SETD7: variants seen among roughly 807,000 people sequenced by gnomAD.
The protein encoded by SETD7 is SET domain containing 7, histone lysine methyltransferase.
A neutral mutation model predicts 41.8 loss-of-function variants in SETD7; 16 were observed. The ratio of observed to expected loss-of-function variants is 0.38; its 90% CI spans 0.26 to 0.58. The LOEUF is 0.58. Ranked by LOEUF, SETD7 falls within the 20% of genes least tolerant of loss-of-function variation. The probability of loss-of-function intolerance (pLI) is 0.64; values close to 1 mark genes in which losing one functional copy is unlikely to be tolerated. For synonymous variants in SETD7, 163 were observed against 169.7 expected (o/e 0.96, Z 0.31); for missense variants, 346 against 459.7 (o/e 0.75, Z 2.26).
At chr4:139,546,741 TG>T (rs1414465105) in intron 2 of SETD7, 178 bp downstream of exon 2, 10 of 755,776 alleles carry the variant, frequency 1.3e-5, no homozygotes, top group African/African-American at 1.2e-4. Flanking sequence ...TTAGGCTGGC[TG>T]TCCCATAACC....
intron 7 of SETD7, among the ~76,000 whole-genome samples, chr4:139,500,476 A>C (rs901606487): frequency 6.6e-6 from 1 of 152,202 alleles, no homozygotes; most frequent in African/African-American, 2.4e-5. Context: ...AAACTGTAGT[A>C]AACTAAGTTT....
Position 139,525,157 on chromosome 4 carries a change from T to A in SETD7, c.563-1722A>T, listed in dbSNP as rs767521255. Among the ~76,000 whole-genome samples, 60 of 152,310 alleles carry A rather than the reference T, an allele frequency of 3.9e-4. No homozygotes were observed. In the Middle Eastern group the frequency reaches 0.01, roughly 26 times the overall value. ...TAACCAAAATTGTGTGTGGAATGTA[T>A]GTTCTATTGAGTGGAAATTTTCCTA... On this transcript the variant is annotated intron_variant, in intron 4 of 7. Transcript: ENST00000274031.
At chr4:139,513,467 T>G (rs1176754871) in intron 7 of SETD7, among the ~76,000 whole-genome samples, 1 of 151,630 alleles carries the variant, frequency 6.6e-6, no homozygotes, top group Non-Finnish European at 1.5e-5. Flanking sequence ...GGCATGATAG[T>G]AAGTACTTGG....
At chr4:139,498,526 G>A (rs927084283) in intron 7 of SETD7, among the ~76,000 whole-genome samples, 10 of 152,094 alleles carry the variant, frequency 6.6e-5, no homozygotes, top group African/African-American at 2.4e-4. Flanking sequence ...CTTGATCCTG[G>A]TGCTTCCCCA....
chr4:139,526,827 T>C (rs2111143560), intron 4 of SETD7, among the ~76,000 whole-genome samples: 1 of 152,366 alleles, frequency 6.6e-6, no homozygotes, highest in African/African-American at 2.4e-5. Flanking sequence ...CCAATTGGGA[T>C]CCTCCCTTGT....
chr4:139,536,778 G>A (rs572739476), intron 2 of SETD7, among the ~76,000 whole-genome samples: 3 of 151,474 alleles, frequency 2.0e-5, no homozygotes, highest in Non-Finnish European at 4.4e-5. Flanking sequence ...CGAGGCAGGA[G>A]GATCACCTGA....
At chr4:139,512,752 CTTTTTTTTTTTTTTT>C (rs140570195) in intron 7 of SETD7, among the ~76,000 whole-genome samples, 1 of 75,536 alleles carries the variant, frequency 1.3e-5, no homozygotes, top group Non-Finnish European at 2.5e-5. Flanking sequence ...TTTTCTTATT[CTTTTTTTTTTTTTTT>C]TTTTTTTTGA....
chr4:139,495,225 G>A (rs558807103), downstream of SETD7, among the ~76,000 whole-genome samples: 1 of 152,168 alleles, frequency 6.6e-6, no homozygotes, highest in East Asian at 1.9e-4. Flanking sequence ...ATAAATTACA[G>A]CTATTGTTTC....
Position 139,511,545 on chromosome 4 carries a change from A to T in SETD7, c.*118T>A. On this transcript the variant is annotated 3_prime_UTR_variant, in exon 8 of 8. Transcript: ENST00000274031. ...TATGCGAGAAAGTCGTTGCTAACGC[A>T]TGGTGAGAGGATGTGACGTCACAGC... 1 of 1,563,754 alleles carries T rather than the reference A, an allele frequency of 6.4e-7. No homozygotes were observed. The highest frequency in any genetic ancestry group is 8.6e-7 in the Non-Finnish European group (1 of 1,161,088).
chr4:139,526,750 T>C (rs1041970323), intron 4 of SETD7, among the ~76,000 whole-genome samples: 3 of 152,132 alleles, frequency 2.0e-5, no homozygotes, highest in Admixed American at 2.0e-4. Flanking sequence ...TCAAATTAGG[T>C]GATTCTTAAG....
rs1415478320 is a variant in SETD7, at chr4:139,510,697, G to A, written c.*966C>T. 1.3e-5 allele frequency: 2 copies of A among 152,270 alleles called. No homozygotes were observed. The highest frequency in any genetic ancestry group is 4.8e-5 in the African/African-American group (2 of 41,408). The allele number at this position is 152,270 out of a possible 1,614,324, so 9.4% of individuals were successfully genotyped here. A position where few individuals can be genotyped will look rare whatever the true frequency, so the allele number is the denominator to read the frequency against. On this transcript the variant is annotated 3_prime_UTR_variant, in exon 8 of 8. Transcript: ENST00000274031. ...TTGACTTTTGAATTCAATGCACTGT[G>A]CCACAAGCCTGACCGCGCTATGTTA...
chr4:139,533,097 T>C lies in SETD7; in HGVS notation c.372+68A>G, dbSNP rs1216127516. On this transcript the variant is annotated intron_variant, in intron 3 of 7. Transcript: ENST00000274031. ...CTCCCAAGTTCTAACACAGAATACATTTTACTCTTCATTGTGAAGAGTCAC... is the reference window on the plus strand; with the variant it reads ...CTCCCAAGTTCTAACACAGAATACACTTTACTCTTCATTGTGAAGAGTCAC... 5 of 1,403,482 alleles carry C rather than the reference T, an allele frequency of 3.6e-6. No individual in the cohort carries two copies. The African/African-American group carries it at 5.7e-5, about 16-fold the overall frequency. 86.9% of individuals were successfully genotyped at this position (1,403,482 alleles called of 1,614,324 possible).
In SETD7 at chr4:139,510,601, A is replaced by C. The variant is rs953340308; in HGVS notation, c.*1062T>G. 2.5e-4 allele frequency: 38 copies of C among 152,322 alleles called. No homozygotes were observed. Among genetic ancestry groups the C allele is most frequent in the African/African-American group, 8.4e-4 (35 of 41,574 alleles). 9.4% of individuals were successfully genotyped at this position (152,322 alleles called of 1,614,324 possible). ...AAGGTTTGATTTGTACCTAGTAATC[A>C]GTGTGTCTGCCTTAGTAGTACTGAC... On this transcript the variant is annotated 3_prime_UTR_variant, in exon 8 of 8. Transcript: ENST00000274031.
intron 2 of SETD7, among the ~76,000 whole-genome samples, chr4:139,535,888 A>T (rs551232023): frequency 1.9e-4 from 29 of 152,274 alleles, no homozygotes; most frequent in Non-Finnish European, 3.1e-4. Flanking sequence ...GTGATTTTTT[A>T]AAATCCTCTG....
At chr4:139,552,069 C>A (rs1331765801) in intron 1 of SETD7, among the ~76,000 whole-genome samples, 1 of 151,698 alleles carries the variant, frequency 6.6e-6, no homozygotes, top group African/African-American at 2.4e-5. Context: ...AAGTTTGTTA[C>A]CTGGATAATT....
At chr4:139,494,857 G>A (rs1008017879), downstream of SETD7, among the ~76,000 whole-genome samples, 2 of 152,182 alleles carry the variant, frequency 1.3e-5, no homozygotes, top group Non-Finnish European at 2.9e-5. Flanking sequence ...TGGTTAAGCG[G>A]ATTTACTACA....
intron 4 of SETD7, 30 bp downstream of exon 4, chr4:139,529,001 A>G (rs1251006656): frequency 6.3e-7 from 1 of 1,599,664 alleles, no homozygotes; most frequent in Non-Finnish European, 8.5e-7. Context: ...TTGGAATTGG[A>G]GCAACCCATC....
At chr4:139,550,358 G>A (rs1728076026) in intron 1 of SETD7, among the ~76,000 whole-genome samples, 1 of 152,190 alleles carries the variant, frequency 6.6e-6, no homozygotes, top group South Asian at 2.1e-4. Flanking sequence ...TGCTGGTTGT[G>A]AGAGAATTCT....
intron 2 of SETD7, among the ~76,000 whole-genome samples, chr4:139,544,117 C>A (rs1191965167): frequency 1.3e-5 from 2 of 151,802 alleles, no homozygotes; most frequent in Non-Finnish European, 2.9e-5. Flanking sequence ...GGCAAAACTC[C>A]ATCTCTATAA....
Sources: gnomAD v4.1 joint callset for allele counts (sites outside exome capture counted in the v4.1 genomes callset) on GRCh38, gnomAD v4.1.1 for gene constraint, MANE v1.5 for transcripts, NCBI Gene and HGNC (gene_info 2026-07-23, HGNC 2026-07-21) for gene names.